Variants in KCTD1 observed in about 807,000 individuals in gnomAD.
KCTD1 encodes the protein BTB/POZ domain-containing protein KCTD1.
Under a neutral mutation model 66.0 loss-of-function variants are expected in KCTD1, and 24 were observed. The observed-to-expected ratio is 0.36, with a 90% CI of 0.26 to 0.51. The LOEUF is 0.51. Ranked by LOEUF, KCTD1 falls within the 20% of genes least tolerant of loss-of-function variation. The pLI is 0.95. For missense variants in KCTD1, 943 were observed against 1,205.2 expected (o/e 0.78, Z 3.22); for synonymous variants, 511 against 517.2 (o/e 0.99, Z 0.16).
At chr18:26,504,374 C>T (rs774038537) in intron 1 of KCTD1, among the ~76,000 whole-genome samples, 7 of 152,078 alleles carry the variant, frequency 4.6e-5, no homozygotes, top group Non-Finnish European at 7.4e-5. Context: ...ACACTACAGG[C>T]GCAGGCCACT....
At position 26,455,181 on chromosome 18, in the gene KCTD1, T is replaced by C. The variant is rs1979986017; in HGVS notation, c.*562A>G. On this transcript the variant is annotated 3_prime_UTR_variant, in exon 5 of 5. Transcript: ENST00000580059. ...TGTACAAACTACATTTAAAATTTCA[T>C]GTCTAACATCTTTGCAATGTGCTCA... The C allele has an allele frequency of 6.5e-6, 1 of 152,680 alleles. No individual in the cohort carries two copies. Among genetic ancestry groups the C allele is most frequent in the African/African-American group, 2.4e-5 (1 of 41,466 alleles). The allele number at this position is 152,680 out of a possible 1,614,324, so 9.5% of individuals were successfully genotyped here.
chr18:26,627,592 A>C (rs937976286), intron 1 of KCTD1, among the ~76,000 whole-genome samples: 2 of 152,190 alleles, frequency 1.3e-5, no homozygotes, highest in Non-Finnish European at 2.9e-5. Flanking sequence ...CCTCTAAGGA[A>C]ATGCTCTGTT....
intron 2 of KCTD1, among the ~76,000 whole-genome samples, chr18:26,492,216 G>A (rs567930656): frequency 2.2e-4 from 33 of 152,140 alleles, no homozygotes; most frequent in Non-Finnish European, 3.8e-4. Flanking sequence ...TACTCCAGCC[G>A]GGGCAATAGA....
chr18:26,551,274 G>T (rs1185774167), upstream of KCTD1, among the ~76,000 whole-genome samples: 1 of 152,170 alleles, frequency 6.6e-6, no homozygotes, highest in Admixed American at 6.5e-5. Flanking sequence ...CCCAGGGCAG[G>T]TCTCTACTGG....
intron 1 of KCTD1, among the ~76,000 whole-genome samples, chr18:26,533,028 C>T (rs1433752675): frequency 6.6e-6 from 1 of 152,200 alleles, no homozygotes; most frequent in Non-Finnish European, 1.5e-5. Flanking sequence ...CATTGACCAC[C>T]TCCTTCCTGG....
At chr18:26,644,481 C>T (rs1251854253), upstream of KCTD1, among the ~76,000 whole-genome samples, 2 of 151,774 alleles carry the variant, frequency 1.3e-5, no homozygotes, top group African/African-American at 4.8e-5. Context: ...AAGCAGGGGG[C>T]AGGTGCGGTG....
At chr18:26,566,836 A>AT (rs1985993298) in intron 1 of KCTD1, 1 of 151,550 alleles carries the variant, frequency 6.6e-6, no homozygotes, top group African/African-American at 2.4e-5. Context: ...GATCTAAAAA[A>AT]AAAAAAAAAA....
chr18:26,491,125 C>A (rs181693409), intron 2 of KCTD1, among the ~76,000 whole-genome samples: 10 of 152,100 alleles, frequency 6.6e-5, no homozygotes, highest in Non-Finnish European at 1.3e-4. Context: ...TGCATGCATG[C>A]GTGCTTATGT....
At chr18:26,558,156 A>G (rs1049380980) in intron 1 of KCTD1, among the ~76,000 whole-genome samples, 2 of 152,220 alleles carry the variant, frequency 1.3e-5, no homozygotes, top group Non-Finnish European at 2.9e-5. Flanking sequence ...GGGTGCCTAC[A>G]TTTCTCAAAA....
intron 1 of KCTD1, among the ~76,000 whole-genome samples, chr18:26,573,776 ACAT>A (rs1485446088): frequency 1.3e-5 from 2 of 152,244 alleles, no homozygotes; most frequent in African/African-American, 2.4e-5. Context: ...TGCAAAATAT[ACAT>A]CATGTTTTTC....
Position 26,476,363 on chromosome 18 carries a change from C to T in KCTD1, c.2133+152G>A. The T allele has an allele frequency of 1.5e-6, 1 of 649,632 alleles. No individual in the cohort carries two copies. Among genetic ancestry groups the T allele is most frequent in the South Asian group, 2.2e-5 (1 of 45,628 alleles). The allele number at this position is 649,632 out of a possible 1,614,324, so 40.2% of individuals were successfully genotyped here. ...TCATGTAGAAGTTTAATGGCCATAA[C>T]CACTATTTCATGAATAGTGAACCAT... On this transcript the variant is annotated intron_variant, in intron 3 of 4. Coordinates refer to ENST00000580059, the MANE Select transcript of KCTD1 (RefSeq NM_001142730.3). The surrounding 1 kb of genome is among the most constrained non-coding windows in gnomAD (Gnocchi z 4.9).
chr18:26,549,207 G>T (rs1483218173), upstream of KCTD1: 1 of 986,472 alleles, frequency 1.0e-6, no homozygotes, highest in African/African-American at 1.8e-5. Flanking sequence ...CTTGGGAGCG[G>T]GATGGGGCTG....
chr18:26,599,793 G>A (rs1986847828), intron 1 of KCTD1: 1 of 1,568,456 alleles, frequency 6.4e-7, no homozygotes, highest in African/African-American at 1.4e-5. Flanking sequence ...TGAAAGAGCT[G>A]CAGCGGGAGC....
chr18:26,594,948 C>T (rs1986732729), intron 1 of KCTD1, among the ~76,000 whole-genome samples: 1 of 152,038 alleles, frequency 6.6e-6, no homozygotes, highest in South Asian at 2.1e-4. Flanking sequence ...GTGAGCCAAT[C>T]CCTTAGAATA....
chr18:26,472,983 T>A (rs1411177899), intron 3 of KCTD1, among the ~76,000 whole-genome samples: 1 of 152,220 alleles, frequency 6.6e-6, no homozygotes, highest in African/African-American at 2.4e-5. Context: ...AGGTGCAGAC[T>A]GAGGGCTGGA....
intron 1 of KCTD1, among the ~76,000 whole-genome samples, chr18:26,529,966 C>T (rs188200245): frequency 1.7e-3 from 266 of 152,288 alleles, no homozygotes; most frequent in African/African-American, 6.1e-3. Context: ...GTCAACAAAA[C>T]CCTAAGGTGG....
intron 2 of KCTD1, among the ~76,000 whole-genome samples, chr18:26,478,659 G>A (rs961256395): frequency 5.9e-5 from 9 of 152,182 alleles, no homozygotes; most frequent in East Asian, 1.9e-4. Context: ...ACCTATACGG[G>A]GTGAATGTGT....
chr18:26,546,984 T>C lies in KCTD1; in HGVS notation c.1553A>G (p.Lys518Arg), dbSNP rs1985260707. ...CACGTCGGGCCCGACCTGGCTGTCT[T>C]TGGGGAGGATGTAAGTGTTCCCCAG... is the stretch of plus-strand genomic sequence containing the variant. ...PSLGNTYILP[K>R]DSQVGPDVKS... Residue 518 changes from lysine (K) to arginine (R), a missense_variant, in exon 1 of 5, where the codon AAA (lysine) becomes AGA (arginine). Lys to Arg is a conservative substitution (Grantham distance 26, BLOSUM62 2). Transcript: ENST00000580059. 2 of 1,313,956 alleles carry C rather than the reference T, an allele frequency of 1.5e-6. No homozygotes were observed. Among genetic ancestry groups the C allele is most frequent in the Non-Finnish European group, 2.0e-6 (2 of 1,008,746 alleles). The allele number at this position is 1,313,956 out of a possible 1,614,324, so 81.4% of individuals were successfully genotyped here. A position where few individuals can be genotyped will look rare whatever the true frequency, so the allele number is the denominator to read the frequency against.
chr18:26,477,963 A>G (rs1451047707), intron 2 of KCTD1, among the ~76,000 whole-genome samples: 4 of 152,100 alleles, frequency 2.6e-5, no homozygotes, highest in Admixed American at 1.3e-4. Context: ...GTGGATTACA[A>G]CCTTTCTGGG....
Sources: gnomAD v4.1 joint callset for allele counts (sites outside exome capture counted in the v4.1 genomes callset) on GRCh38, gnomAD v4.1.1 for gene constraint, Gnocchi (gnomAD v3.1) non-coding constraint, MANE v1.5 for transcripts, NCBI Gene and HGNC (gene_info 2026-07-23, HGNC 2026-07-21) for gene names.